ASIC2: variants seen among roughly 807,000 people sequenced by gnomAD.
The protein encoded by ASIC2 is acid sensing ion channel subunit 2.
ASIC2 carries 25 observed loss-of-function variants against 57.3 expected under a neutral mutation model. The ratio of observed to expected loss-of-function variants is 0.44; its 90% CI spans 0.32 to 0.61. The LOEUF is 0.61. ASIC2 is among the 20% of genes least tolerant of loss of function. The probability of loss-of-function intolerance (pLI) is 0.06; values close to 1 mark genes in which losing one functional copy is unlikely to be tolerated. For synonymous variants in ASIC2, 319 were observed against 307.5 expected, an observed-to-expected ratio of 1.04 and a Z score of -0.39; for missense variants, 641 against 738.1, an observed-to-expected ratio of 0.87 and a Z score of 1.52.
intron 1 of ASIC2, among the ~76,000 whole-genome samples, chr17:33,685,675 G>A (rs1908162828): frequency 6.6e-6 from 1 of 152,134 alleles, no homozygotes; most frequent in Admixed American, 6.5e-5. Flanking sequence ...TTATTTATTT[G>A]AAGAGAGTTT....
chr17:34,114,740 G>T (rs1476990462), intron 1 of ASIC2, among the ~76,000 whole-genome samples: 1 of 152,170 alleles, frequency 6.6e-6, no homozygotes, highest in African/African-American at 2.4e-5. Context: ...GATGCAAAGG[G>T]TGGAGGCACA....
chr17:34,095,391 T>C (rs1451989210), intron 1 of ASIC2, among the ~76,000 whole-genome samples: 2 of 152,144 alleles, frequency 1.3e-5, no homozygotes, highest in Non-Finnish European at 2.9e-5. Flanking sequence ...GGCTACAATA[T>C]GAAAGGGTTG....
chr17:33,306,188 A>T (rs549225590), intron 1 of ASIC2, among the ~76,000 whole-genome samples: 1 of 152,212 alleles, frequency 6.6e-6, no homozygotes, highest in South Asian at 2.1e-4. Context: ...TCTAACGTTC[A>T]TGCCTCTATC....
chr17:33,282,050 A>C (rs1253639119), intron 1 of ASIC2, among the ~76,000 whole-genome samples: 3 of 152,146 alleles, frequency 2.0e-5, no homozygotes, highest in African/African-American at 7.2e-5. Flanking sequence ...AAATTCTTTC[A>C]TTTTTTTGAA....
chr17:33,462,478 C>A (rs542996432), intron 1 of ASIC2, among the ~76,000 whole-genome samples: 1 of 152,164 alleles, frequency 6.6e-6, no homozygotes, highest in Non-Finnish European at 1.5e-5. Flanking sequence ...ATGAAAGAGA[C>A]GTAAGATACA....
intron 1 of ASIC2, among the ~76,000 whole-genome samples, chr17:33,477,573 C>T (rs992522159): frequency 6.6e-6 from 1 of 152,208 alleles, no homozygotes; most frequent in Non-Finnish European, 1.5e-5. Context: ...CTTAAGAGGG[C>T]AAGGGGAATT....
intron 1 of ASIC2, among the ~76,000 whole-genome samples, chr17:33,462,011 T>G (rs941703479): frequency 1.3e-5 from 2 of 152,184 alleles, no homozygotes; most frequent in African/African-American, 4.8e-5. Flanking sequence ...CGTATTTGCT[T>G]CCCCTGGAGC....
chr17:33,367,750 A>G (rs1052276599), intron 1 of ASIC2, among the ~76,000 whole-genome samples: 2 of 152,240 alleles, frequency 1.3e-5, no homozygotes, highest in African/African-American at 4.8e-5. Flanking sequence ...CACCATTGTT[A>G]ACAAGGACCA....
At chr17:33,914,820 T>G (rs1457381237) in intron 1 of ASIC2, among the ~76,000 whole-genome samples, 1 of 152,254 alleles carries the variant, frequency 6.6e-6, no homozygotes, top group Non-Finnish European at 1.5e-5. Context: ...TTCTGAGCTG[T>G]CTGGCTCAGG....
chr17:33,269,025 C>T (rs1894649662), intron 1 of ASIC2, among the ~76,000 whole-genome samples: 1 of 152,190 alleles, frequency 6.6e-6, no homozygotes, highest in South Asian at 2.1e-4. Flanking sequence ...TCTAGCACTA[C>T]ATTTAATGAG....
chr17:33,977,746 A>T (rs1271431827), intron 1 of ASIC2, among the ~76,000 whole-genome samples: 4 of 152,132 alleles, frequency 2.6e-5, no homozygotes, highest in Admixed American at 2.0e-4. Flanking sequence ...CTACCTGAGT[A>T]TACGTAGGTT....
intron 1 of ASIC2, among the ~76,000 whole-genome samples, chr17:33,537,949 T>C (rs868794726): frequency 1.3e-5 from 2 of 152,186 alleles, no homozygotes; most frequent in African/African-American, 2.4e-5. Flanking sequence ...TATCTATAAC[T>C]TTTTCACTAC....
Position 33,021,334 on chromosome 17 carries a change from A to G in ASIC2, c.1350-24T>C. ...CTCTGCAGAGAGAATAGTCAGTACC[A>G]TACATGGTTAGAGCTATCAGCATTC... On this transcript the variant is annotated intron_variant, in intron 6 of 9. Coordinates refer to ENST00000225823, the MANE Select transcript of ASIC2 (RefSeq NM_183377.2). 3 of 1,544,414 alleles carry G rather than the reference A, an allele frequency of 1.9e-6. No homozygotes were observed. In the South Asian group the frequency reaches 3.4e-5, roughly 17 times the overall value.
chr17:33,106,622 G>A (rs996727111), intron 2 of ASIC2, among the ~76,000 whole-genome samples: 2 of 152,244 alleles, frequency 1.3e-5, no homozygotes, highest in African/African-American at 2.4e-5. Flanking sequence ...AGTGCCTTCT[G>A]CAACCACCAT....
intron 1 of ASIC2, among the ~76,000 whole-genome samples, chr17:33,613,942 T>C (rs877005): frequency 0.44 from 67,485 of 152,006 alleles, 15,301 homozygotes; most frequent in Middle Eastern, 0.53. Context: ...GTGACTATAA[T>C]GAATATTCCT....
At chr17:33,739,492 G>T (rs1350878628) in intron 1 of ASIC2, among the ~76,000 whole-genome samples, 3 of 152,244 alleles carry the variant, frequency 2.0e-5, no homozygotes, top group Admixed American at 2.0e-4. Context: ...CAATGGTGAA[G>T]CAGACAGTAA....
At chr17:34,009,798 C>T (rs994262309) in intron 1 of ASIC2, among the ~76,000 whole-genome samples, 3 of 152,188 alleles carry the variant, frequency 2.0e-5, no homozygotes, top group African/African-American at 7.2e-5. Flanking sequence ...TTGGAATGAG[C>T]TAGAGCTTTC....
At position 34,069,152 on chromosome 17, in the gene ASIC2, C is replaced by T. The variant is rs559911686; in HGVS notation, c.555+86826G>A. On this transcript the variant is annotated intron_variant, in intron 1 of 9. Coordinates refer to the ASIC2 transcript ENST00000359872. ...TATTTACACTGCAGAAGCTGGCAAA[C>T]GCTAAAAATTTAGGATTTATTTCTC... Among the ~76,000 whole-genome samples, 42 of 152,136 alleles carry T rather than the reference C, an allele frequency of 2.8e-4. No individual in the cohort carries two copies. In the Middle Eastern group the frequency reaches 0.014, roughly 49 times the overall value.
At chr17:33,168,165 T>G (rs960212444) in intron 1 of ASIC2, among the ~76,000 whole-genome samples, 2 of 152,234 alleles carry the variant, frequency 1.3e-5, no homozygotes, top group Non-Finnish European at 2.9e-5. Context: ...GCTGGTGCCA[T>G]GATCTTGGAC....
Sources: gnomAD v4.1 joint callset for allele counts (sites outside exome capture counted in the v4.1 genomes callset) on GRCh38, gnomAD v4.1.1 for gene constraint, MANE v1.5 for transcripts, NCBI Gene and HGNC (gene_info 2026-07-23, HGNC 2026-07-21) for gene names.